PBX3: variants seen among roughly 807,000 people sequenced by gnomAD.
PBX3 encodes PBX homeobox 3.
In PBX3, 14 loss-of-function variants were observed where a neutral mutation model predicts 48.5. The observed-to-expected ratio is 0.29, with a 90% confidence interval of 0.19 to 0.45. The LOEUF is 0.45. Ranked by LOEUF, PBX3 falls within the 20% of genes least tolerant of loss-of-function variation. The pLI, the probability that PBX3 is intolerant of heterozygous loss-of-function variation, is 1.00. For missense variants in PBX3, 386 were observed against 546.7 expected (o/e 0.71, Z 2.93); for synonymous variants, 210 against 200.3 (o/e 1.05, Z -0.41).
chr9:125,748,739 C>T, intron 2 of PBX3, 116 bp downstream of exon 2: 1 of 689,206 alleles, frequency 1.5e-6, no homozygotes, highest in Non-Finnish European at 2.5e-6. Flanking sequence ...TTTGATCATT[C>T]TCTCCTTCCC....
Position 125,747,512 on chromosome 9 carries a change from C to T in PBX3, c.59C>T (p.Ser20Leu), listed in dbSNP as rs1321525560. ...GCCGGGGTGAACCTGGCTGGCCACTCGGTGCAGGGGGGCATGGCCCTGCCG... is the reference window on the plus strand; with the variant it reads ...GCCGGGGTGAACCTGGCTGGCCACTTGGTGCAGGGGGGCATGGCCCTGCCG... The part of the protein sequence containing the change: ...TLAGVNLAGH[S>L]VQGGMALPPP... The change falls in exon 1 of 9, where the codon TCG becomes TTG. Residue 20 changes from serine to leucine, a missense_variant. Coordinates refer to ENST00000373489, the MANE Select transcript of PBX3 (RefSeq NM_006195.6). 15 of 1,588,570 alleles carry T rather than the reference C, an allele frequency of 9.4e-6. No homozygotes were observed. Among genetic ancestry groups the T allele is most frequent in the Admixed American group, 1.7e-5 (1 of 57,700 alleles).
At chr9:125,820,898 A>G (rs1838631422) in intron 2 of PBX3, among the ~76,000 whole-genome samples, 1 of 152,204 alleles carries the variant, frequency 6.6e-6, no homozygotes, top group African/African-American at 2.4e-5. Flanking sequence ...TGTTTTGTTC[A>G]GTCTTTTTAA....
rs1842554972 is a variant in PBX3 at position 125,967,313 on chromosome 9, A to G, written c.*1390A>G. On this transcript the variant is annotated 3_prime_UTR_variant, in exon 9 of 9. Transcript: ENST00000373489. The stretch of plus-strand genomic sequence containing the variant: ...ACTGGATTACACCCTGGATTGAAAA[A>G]GTCTTCCTCGTGGTAGTTATATGTA... 3 of 152,670 alleles carry G rather than the reference A, an allele frequency of 2.0e-5. No homozygotes were observed. Among genetic ancestry groups the G allele is most frequent in the Non-Finnish European group, 4.4e-5 (3 of 68,040 alleles). The allele number at this position is 152,670 out of a possible 1,614,324, so 9.5% of individuals were successfully genotyped here. A position where few individuals can be genotyped will look rare whatever the true frequency, so the allele number is the denominator to read the frequency against.
At chr9:125,848,570 G>A (rs74554534) in intron 2 of PBX3, among the ~76,000 whole-genome samples, 103 of 152,086 alleles carry the variant, frequency 6.8e-4, no homozygotes, top group African/African-American at 2.3e-3. Context: ...ATGGTCAGTA[G>A]CATTTAGAAT....
chr9:125,798,829 C>A (rs540450716), intron 2 of PBX3, among the ~76,000 whole-genome samples: 104 of 152,154 alleles, frequency 6.8e-4, no homozygotes, highest in African/African-American at 2.5e-3. Flanking sequence ...AATGAAATTA[C>A]TTTTAACTGC....
chr9:125,871,081 A>G (rs1309435495), intron 2 of PBX3, among the ~76,000 whole-genome samples: 1 of 152,220 alleles, frequency 6.6e-6, no homozygotes, highest in African/African-American at 2.4e-5. Flanking sequence ...TGTTTAAATC[A>G]TTATTGTAAA....
intron 5 of PBX3, among the ~76,000 whole-genome samples, chr9:125,937,965 A>G (rs549259800): frequency 6.6e-6 from 1 of 152,266 alleles, no homozygotes; most frequent in Non-Finnish European, 1.5e-5. Context: ...TTGGCTAACT[A>G]CTTTCAAAAG....
At chr9:125,795,243 T>G (rs755061740) in intron 2 of PBX3, among the ~76,000 whole-genome samples, 14 of 152,216 alleles carry the variant, frequency 9.2e-5, no homozygotes, top group Non-Finnish European at 1.3e-4. Flanking sequence ...CTGAGGTGCA[T>G]TGTCTTATAG....
intron 2 of PBX3, among the ~76,000 whole-genome samples, chr9:125,897,148 T>TTG (rs1554725504): frequency 0.032 from 4,735 of 148,106 alleles, 282 homozygotes; most frequent in African/African-American, 0.11. Context: ...GTGGTTTTTT[T>TTG]TTTTTTTTTT....
intron 2 of PBX3, among the ~76,000 whole-genome samples, chr9:125,871,614 T>C (rs896175225): frequency 5.9e-5 from 9 of 152,100 alleles, no homozygotes; most frequent in African/African-American, 2.2e-4. Flanking sequence ...GAAGCTATAG[T>C]GTTAGGGCTG....
In PBX3 at chr9:125,915,801, G is replaced by GGCAGCAGCT. The variant is rs1841316341; in HGVS notation, c.396_404dup (p.Ala136_Ala138dup). On this transcript the variant is annotated inframe_insertion, in exon 3 of 9. Coordinates refer to ENST00000373489, the MANE Select transcript of PBX3 (RefSeq NM_006195.6). Reference sequence around the variant, plus strand: ...GTCCTGAGAAAGGTGGGGGATCGGCGGCAGCAGCTGCAGCCGCGGCAGCCT... The same window carrying GGCAGCAGCT: ...GTCCTGAGAAAGGTGGGGGATCGGCGGCAGCAGCTGCAGCAGCTGCAGCCGCGGCAGCCT... 6.2e-7 allele frequency: 1 copy of GGCAGCAGCT among 1,613,544 alleles called. No homozygotes were observed. Among genetic ancestry groups the GGCAGCAGCT allele is most frequent in the Admixed American group, 1.7e-5 (1 of 59,988 alleles).
chr9:125,837,046 A>T (rs1839158272), intron 2 of PBX3, among the ~76,000 whole-genome samples: 1 of 152,208 alleles, frequency 6.6e-6, no homozygotes. Context: ...GCCTTCATAC[A>T]TATTTGCATG....
At chr9:125,924,414 C>T (rs186933786) in intron 3 of PBX3, among the ~76,000 whole-genome samples, 25 of 152,196 alleles carry the variant, frequency 1.6e-4, no homozygotes, top group Admixed American at 2.6e-4. Context: ...AAAGAGAAGA[C>T]GTTAATAGCC....
intron 5 of PBX3, among the ~76,000 whole-genome samples, chr9:125,943,576 A>G (rs1842008249): frequency 6.6e-6 from 1 of 151,904 alleles, no homozygotes; most frequent in Admixed American, 6.6e-5. Context: ...TGCTAGTCTC[A>G]GCACTGTGTC....
chr9:125,898,301 C>T (rs1159082006), intron 2 of PBX3, among the ~76,000 whole-genome samples: 1 of 151,698 alleles, frequency 6.6e-6, no homozygotes, highest in African/African-American at 2.4e-5. Flanking sequence ...GCAAACTTTT[C>T]CCAGAAATTT....
intron 2 of PBX3, among the ~76,000 whole-genome samples, chr9:125,872,086 A>G (rs566624852): frequency 6.6e-6 from 1 of 152,348 alleles, no homozygotes; most frequent in Non-Finnish European, 1.5e-5. Context: ...TATAGCTTCC[A>G]GACTAGTAAA....
intron 3 of PBX3, among the ~76,000 whole-genome samples, chr9:125,926,338 G>T (rs1239424731): frequency 6.6e-6 from 1 of 151,876 alleles, no homozygotes; most frequent in Non-Finnish European, 1.5e-5. Flanking sequence ...TGGCCAACAT[G>T]GTAAAACCTT....
intron 2 of PBX3, among the ~76,000 whole-genome samples, chr9:125,774,875 CTT>C (rs929912366): frequency 1.2e-4 from 17 of 141,562 alleles, no homozygotes; most frequent in African/African-American, 1.3e-4. Context: ...GTTCCAGTTT[CTT>C]TTTTTTTTTT....
At position 125,960,477 on chromosome 9, in the gene PBX3, AAGC is replaced by A. The variant is rs982018751; in HGVS notation, c.844-203_844-201del. 1.5e-4 allele frequency among the ~76,000 whole-genome samples: 23 copies of A among 152,320 alleles called. No individual in the cohort carries two copies. In the South Asian group the frequency reaches 3.5e-3, roughly 23 times the overall value. ...GGTATTACTGTGGCCAACTCTAAGA[AAGC>A]AGCGTTATTCCAAAAGAATGTGAGA... On this transcript the variant is annotated intron_variant, in intron 5 of 8. Coordinates refer to ENST00000373489, the MANE Select transcript of PBX3 (RefSeq NM_006195.6).
Sources: gnomAD v4.1 joint callset for allele counts (sites outside exome capture counted in the v4.1 genomes callset) on GRCh38, gnomAD v4.1.1 for gene constraint, MANE v1.5 for transcripts, NCBI Gene and HGNC (gene_info 2026-07-23, HGNC 2026-07-21) for gene names.